Variants in BTBD8 observed in about 807,000 individuals in gnomAD.
BTBD8 encodes BTB domain containing 8.
BTBD8 carries 110 observed loss-of-function variants against 162.9 expected under a neutral mutation model. That is an observed-to-expected ratio of 0.68 (90% CI 0.58 to 0.79). BTBD8 has a LOEUF of 0.79. Ranked by LOEUF, BTBD8 falls within the 30% of genes least tolerant of loss-of-function variation. The pLI, the probability that BTBD8 is intolerant of heterozygous loss-of-function variation, is 0.00. For missense variants in BTBD8, 1,905 were observed against 2,085.4 expected (o/e 0.91, Z 1.68); for synonymous variants, 667 against 716.1 (o/e 0.93, Z 1.10).
chr1:92,169,403 TG>T (rs1409014003), intron 12 of BTBD8, among the ~76,000 whole-genome samples: 1 of 152,202 alleles, frequency 6.6e-6, no homozygotes, highest in Non-Finnish European at 1.5e-5. Context: ...CCCTTTCTTG[TG>T]GTTTTGCCTG....
At chr1:92,161,734 A>G (rs1650279368) in intron 9 of BTBD8, among the ~76,000 whole-genome samples, 2 of 152,212 alleles carry the variant, frequency 1.3e-5, no homozygotes, top group African/African-American at 2.4e-5. Flanking sequence ...TATGGGATAA[A>G]TATTCTGATT....
chr1:92,098,204 T>C (rs542634536), intron 2 of BTBD8, among the ~76,000 whole-genome samples: 1 of 152,294 alleles, frequency 6.6e-6, no homozygotes, highest in South Asian at 2.1e-4. Context: ...AATCCATGTT[T>C]CCAGATATCA....
chr1:92,095,492 C>G (rs914420090), intron 2 of BTBD8, among the ~76,000 whole-genome samples: 2 of 152,178 alleles, frequency 1.3e-5, no homozygotes, highest in African/African-American at 4.8e-5. Context: ...ATCTGTTGGC[C>G]TCACTATACC....
intron 5 of BTBD8, among the ~76,000 whole-genome samples, chr1:92,134,939 T>C (rs1649597117): frequency 6.6e-6 from 1 of 151,618 alleles, no homozygotes; most frequent in Admixed American, 6.6e-5. Flanking sequence ...TTGCCCAGGC[T>C]GGAGTGCAGT....
At chr1:92,119,679 T>C (rs1365786582) in intron 4 of BTBD8, among the ~76,000 whole-genome samples, 1 of 150,790 alleles carries the variant, frequency 6.6e-6, no homozygotes, top group East Asian at 1.9e-4. Flanking sequence ...CAGGCTGGAG[T>C]GCAGTGGCGC....
intron 3 of BTBD8, among the ~76,000 whole-genome samples, chr1:92,105,867 G>A (rs901679005): frequency 2.6e-5 from 4 of 152,188 alleles, no homozygotes; most frequent in Non-Finnish European, 4.4e-5. Context: ...ATAACTAAGT[G>A]TTTGCCTTAT....
At chr1:92,107,527 A>G (rs180875157) in intron 3 of BTBD8, among the ~76,000 whole-genome samples, 4 of 152,320 alleles carry the variant, frequency 2.6e-5, no homozygotes, top group East Asian at 1.9e-4. Context: ...AGGCTATACC[A>G]TATAGCCTAT....
Position 92,121,617 on chromosome 1 carries a change from G to A in BTBD8, c.663-8070G>A, listed in dbSNP as rs1456377715. ...CACAAACAAATGCACACAACTTAAA[G>A]TCCAGTTCTATGAATTTTGACTAAT... On this transcript the variant is annotated intron_variant, in intron 4 of 17. Coordinates refer to ENST00000636805, the MANE Select transcript of BTBD8 (RefSeq NM_001376131.1). Among the ~76,000 whole-genome samples the A allele has an allele frequency of 3.9e-5, 6 of 152,046 alleles. No individual in the cohort carries two copies. In the East Asian group the frequency reaches 1.2e-3, roughly 29 times the overall value.
At chr1:92,151,875 T>C (rs770668849) in intron 9 of BTBD8, among the ~76,000 whole-genome samples, 28 of 152,176 alleles carry the variant, frequency 1.8e-4, no homozygotes, top group Non-Finnish European at 3.2e-4. Context: ...CAAAAGACAT[T>C]TCATTCCTTT....
At chr1:92,175,263 G>C (rs1354116952) in intron 13 of BTBD8, among the ~76,000 whole-genome samples, 1 of 151,598 alleles carries the variant, frequency 6.6e-6, no homozygotes, top group African/African-American at 2.4e-5. Context: ...GGTGGATCAC[G>C]AGGTCAAGAG....
intron 2 of BTBD8, among the ~76,000 whole-genome samples, chr1:92,097,465 G>A (rs1032141129): frequency 2.0e-5 from 3 of 151,884 alleles, no homozygotes; most frequent in African/African-American, 7.3e-5. Flanking sequence ...TCACAATGTT[G>A]TGCCACCAAC....
At chr1:92,120,317 G>T (rs1301749273) in intron 4 of BTBD8, among the ~76,000 whole-genome samples, 2 of 152,102 alleles carry the variant, frequency 1.3e-5, no homozygotes, top group African/African-American at 4.8e-5. Context: ...AATCCCTTCC[G>T]CCTCCACATC....
At position 92,184,038 on chromosome 1, in the gene BTBD8, A is replaced by G. The variant is rs1651005552; in HGVS notation, c.5087A>G (p.Gln1696Arg). 1 of 1,551,696 alleles carries G rather than the reference A, an allele frequency of 6.4e-7. No homozygotes were observed. The highest frequency in any genetic ancestry group is 8.7e-7 in the Non-Finnish European group (1 of 1,146,910). ...DFEDDQHFAK[Q>R]DWTLLKQLLS... The stretch of plus-strand genomic sequence containing the variant: ...GAAGATGACCAACATTTTGCAAAAC[A>G]AGATTGGACACTACTAAAGCAACTG... Residue 1696 changes from glutamine to arginine, a missense_variant, in exon 18 of 18, where the codon CAA becomes CGA. Physicochemically the swap from Gln to Arg is conservative, Grantham distance 43. Coordinates refer to ENST00000636805, the MANE Select transcript of BTBD8 (RefSeq NM_001376131.1).
intron 7 of BTBD8, among the ~76,000 whole-genome samples, chr1:92,145,531 A>T (rs2100634143): frequency 6.6e-6 from 1 of 152,360 alleles, no homozygotes; most frequent in East Asian, 1.9e-4. Context: ...AACCTAATTG[A>T]GAAATAAATG....
At chr1:92,126,556 G>A in intron 4 of BTBD8, 1 of 468,004 alleles carries the variant, frequency 2.1e-6, no homozygotes. Context: ...GTGCCAAATG[G>A]ACACTGGCAT....
Position 92,177,274 on chromosome 1 carries a change from A to G in BTBD8, c.2081A>G (p.Lys694Arg), listed in dbSNP as rs1206712546. The change falls in exon 14 of 18, where the codon AAG (lysine) becomes AGG (arginine). Residue 694 changes from lysine to arginine, a missense_variant. Lys to Arg is a conservative substitution (Grantham distance 26, BLOSUM62 2). Transcript: ENST00000636805. ...QEGQISGARP[K>R]VLTGNLNVQA... ...GGGCAAATTTCAGGTGCCAGACCCA[A>G]GGTACTCACAGGAAACTTAAATGTG... The G allele has an allele frequency of 3.2e-6, 5 of 1,551,996 alleles. No individual in the cohort carries two copies. The highest frequency in any genetic ancestry group is 1.4e-5 in the African/African-American group (1 of 73,054).
chr1:92,098,379 T>C (rs1648507204), intron 2 of BTBD8, among the ~76,000 whole-genome samples: 1 of 152,210 alleles, frequency 6.6e-6, no homozygotes, highest in African/African-American at 2.4e-5. Flanking sequence ...ATAAATCTGC[T>C]ATGAACATTT....
chr1:92,113,732 G>A (rs1196561149), intron 4 of BTBD8, among the ~76,000 whole-genome samples: 3 of 150,746 alleles, frequency 2.0e-5, no homozygotes, highest in Admixed American at 2.0e-4. Flanking sequence ...AGAGGGGTAG[G>A]CCCGGTGCGG....
At chr1:92,121,672 C>T (rs1649213627) in intron 4 of BTBD8, among the ~76,000 whole-genome samples, 1 of 152,080 alleles carries the variant, frequency 6.6e-6, no homozygotes, top group African/African-American at 2.4e-5. Flanking sequence ...CCACTGTAAG[C>T]AAAATATAGT....
Sources: gnomAD v4.1 joint callset for allele counts (sites outside exome capture counted in the v4.1 genomes callset) on GRCh38, gnomAD v4.1.1 for gene constraint, MANE v1.5 for transcripts, NCBI Gene and HGNC (gene_info 2026-07-23, HGNC 2026-07-21) for gene names.